Variants in APOOL observed in about 807,000 individuals in gnomAD.
APOOL encodes MICOS complex subunit MIC27.
In APOOL, 12 loss-of-function variants were observed where a neutral mutation model predicts 23.1. The ratio of observed to expected loss-of-function variants is 0.52; its 90% CI spans 0.33 to 0.84. The LOEUF (loss-of-function observed/expected upper bound fraction) is 0.84. Ranked by LOEUF, APOOL falls within the 40% of genes least tolerant of loss-of-function variation. The probability of loss-of-function intolerance (pLI) is 0.02; values close to 1 mark genes in which losing one functional copy is unlikely to be tolerated. For missense variants in APOOL, 212 were observed against 199.6 expected (o/e 1.06, Z -0.37); for synonymous variants, 77 against 69.9 (o/e 1.10, Z -0.51).
intron 1 of APOOL, among the ~76,000 whole-genome samples, chrX:85,004,392 G>T (rs1315057850): frequency 1.8e-5 from 2 of 112,043 alleles, no homozygotes; most frequent in African/African-American, 6.5e-5. Flanking sequence ...TCAGCAGTGC[G>T]CTGGTTTACA....
At chrX:85,022,897 TCACAGGGC>T (rs1194617339) in intron 1 of APOOL, among the ~76,000 whole-genome samples, 2 of 111,683 alleles carry the variant, frequency 1.8e-5, no homozygotes, top group Admixed American at 1.9e-4. Flanking sequence ...GATGTTTGGG[TCACAGGGC>T]CAGATCCCCC....
rs1396733257 is a variant in APOOL, at chrX:85,088,078, ATATATGTAT to A, written c.*401_*409del. On this transcript the variant is annotated 3_prime_UTR_variant, in exon 9 of 9. Transcript: ENST00000373173. Reference sequence around the variant, plus strand: ...TACATATATGTATAAATACATATACATATATGTATAAATACATATACATATTTATACATA... The same window carrying A: ...TACATATATGTATAAATACATATACAAAATACATATACATATTTATACATA... 3 of 20,865 alleles carry A rather than the reference ATATATGTAT, an allele frequency of 1.4e-4. No individual in the cohort carries two copies. Among genetic ancestry groups the A allele is most frequent in the African/African-American group, 4.7e-4 (3 of 6,426 alleles). 1.7% of individuals were successfully genotyped at this position (20,865 alleles called of 1,213,427 possible).
intron 1 of APOOL, among the ~76,000 whole-genome samples, chrX:85,020,393 GGAGA>G (rs900634369): frequency 5.4e-5 from 6 of 111,324 alleles, no homozygotes; most frequent in African/African-American, 2.0e-4. Context: ...AGTGTAGTGT[GGAGA>G]GAAAGAGGGC....
intron 5 of APOOL, among the ~76,000 whole-genome samples, chrX:85,056,449 TA>T (rs777337136): frequency 8.9e-6 from 1 of 112,098 alleles, no homozygotes; most frequent in African/African-American, 3.2e-5. Flanking sequence ...GCTATATGTT[TA>T]AAAAAATTTT....
chrX:85,048,548 T>C (rs1922655426), intron 2 of APOOL, among the ~76,000 whole-genome samples: 1 of 112,335 alleles, frequency 8.9e-6, no homozygotes, highest in South Asian at 3.6e-4. Flanking sequence ...AGCTATGTGC[T>C]AGGAACTATA....
Position 85,074,057 on chromosome X carries a change from G to C in APOOL, c.546G>C (p.Leu182Phe). ...SQQIFGAVKSLWTKSSKEESL... is the reference protein window; with the variant it reads ...SQQIFGAVKSFWTKSSKEESL... The stretch of plus-strand genomic sequence containing the variant: ...AAATTTTTGGAGCAGTTAAATCATT[G>C]TGGACAAAAAGCAGCAAAGAAGAGT... Residue 182 changes from leucine (L) to phenylalanine (F), a missense_variant, in exon 7 of 9, where the codon TTG becomes TTC. Transcript: ENST00000373173. 1.7e-6 allele frequency: 2 copies of C among 1,170,178 alleles called. No individual in the cohort carries two copies. The highest frequency in any genetic ancestry group is 1.1e-6 in the Non-Finnish European group (1 of 874,421).
At chrX:85,085,878 G>T (rs1319807891) in intron 8 of APOOL, among the ~76,000 whole-genome samples, 2 of 111,912 alleles carry the variant, frequency 1.8e-5, no homozygotes, top group Non-Finnish European at 3.8e-5. Context: ...TTAAAGAAGA[G>T]CCTGGGTTGT....
intron 8 of APOOL, among the ~76,000 whole-genome samples, chrX:85,080,765 T>A (rs918726413): frequency 8.9e-6 from 1 of 111,796 alleles, no homozygotes; most frequent in Non-Finnish European, 1.9e-5. Flanking sequence ...GCTTTATGAA[T>A]CTGGGTGCTC....
At position 85,092,350 on chromosome X, in the gene APOOL, T is replaced by TCAC. The variant is rs1344839631; in HGVS notation, c.*4672_*4673insCAC. On this transcript the variant is annotated 3_prime_UTR_variant, in exon 9 of 9. Transcript: ENST00000373173. Reference sequence around the variant, plus strand: ...CTGTTAGACTCAGGTGACAGTCAAATGTTGGAGGCTGTGTTGGGATGAGTT... The same window carrying TCAC: ...CTGTTAGACTCAGGTGACAGTCAAATCACGTTGGAGGCTGTGTTGGGATGAGTT... 1.8e-6 allele frequency: 2 copies of TCAC among 1,135,152 alleles called. No homozygotes were observed. The highest frequency in any genetic ancestry group is 3.0e-5 in the Admixed American group (1 of 33,484). The allele number at this position is 1,135,152 out of a possible 1,213,427, so 93.5% of individuals were successfully genotyped here.
At chrX:85,060,996 A>T (rs182841783) in intron 5 of APOOL, among the ~76,000 whole-genome samples, 77 of 111,708 alleles carry the variant, frequency 6.9e-4, no homozygotes, top group African/African-American at 2.5e-3. Context: ...TTGCCCATTC[A>T]GTATGATACT....
At chrX:85,009,278 C>T in intron 1 of APOOL, among the ~76,000 whole-genome samples, 1 of 111,577 alleles carries the variant, frequency 9.0e-6, no homozygotes, top group Admixed American at 9.5e-5. Flanking sequence ...ACTAGAACTT[C>T]CAGTGCTATG....
Position 85,019,317 on chromosome X carries a change from C to G in APOOL, c.15+15390C>G, listed in dbSNP as rs1049640753. Among the ~76,000 whole-genome samples the G allele has an allele frequency of 3.6e-5, 4 of 111,992 alleles. No individual in the cohort carries two copies. The East Asian group carries it at 1.1e-3, about 31-fold the overall frequency. Reference sequence around the variant, plus strand: ...TCTGCCCTCACAAATGGGATTAGTGCCCCCATAATAGAGATTGAAGGGAAT... The same window carrying G: ...TCTGCCCTCACAAATGGGATTAGTGGCCCCATAATAGAGATTGAAGGGAAT... On this transcript the variant is annotated intron_variant, in intron 1 of 8. Transcript: ENST00000373173.
intron 2 of APOOL, among the ~76,000 whole-genome samples, chrX:85,050,126 A>G (rs1279475261): frequency 9.2e-5 from 4 of 43,262 alleles, no homozygotes; most frequent in Non-Finnish European, 1.2e-4. Flanking sequence ...TAGTCCAGAA[A>G]GATAAAACAC....
chrX:85,058,986 C>T (rs910738835), intron 5 of APOOL, among the ~76,000 whole-genome samples: 18 of 107,713 alleles, frequency 1.7e-4, no homozygotes, highest in African/African-American at 5.7e-4. Context: ...ATTAACTCGT[C>T]ATTTAGCATT....
chrX:85,023,935 C>T (rs185441184), intron 1 of APOOL, among the ~76,000 whole-genome samples: 58 of 112,266 alleles, frequency 5.2e-4, no homozygotes, highest in African/African-American at 1.8e-3. Context: ...CAATAGCACC[C>T]TTCATCCCAC....
chrX:85,008,535 T>TTGTGTGTGTGTGTGTGTGTGTGTGTG (rs57105866), intron 1 of APOOL, among the ~76,000 whole-genome samples: 13 of 86,132 alleles, frequency 1.5e-4, no homozygotes, highest in African/African-American at 5.2e-4. Flanking sequence ...TGATAACCCG[T>TTGTGTGTGTGTGTGTGTGTGTGTGTG]TGTGTGTGTG....
At chrX:85,025,919 A>T (rs990450859) in intron 1 of APOOL, among the ~76,000 whole-genome samples, 7 of 112,787 alleles carry the variant, frequency 6.2e-5, no homozygotes, top group South Asian at 3.6e-4. Flanking sequence ...TCACAGCTCC[A>T]CTAGGCAGTG....
At chrX:85,044,325 A>T (rs1451928975) in intron 1 of APOOL, among the ~76,000 whole-genome samples, 1 of 109,486 alleles carries the variant, frequency 9.1e-6, no homozygotes, top group African/African-American at 3.3e-5. Flanking sequence ...CTTGTTGCCC[A>T]GGCTGGAGTG....
In APOOL at chrX:85,009,918, C is replaced by T. The variant is rs140783166; in HGVS notation, c.15+5991C>T. Among the ~76,000 whole-genome samples, 781 of 111,640 alleles carry T rather than the reference C, an allele frequency of 7.0e-3. 11 individuals carry two copies. The highest frequency in any genetic ancestry group is 0.024 in the African/African-American group (742 of 30,712). ...TGTGGTATTTGGTTTTCTGTTCCTG[C>T]GTTTACTTGCTAAGGATAATAGCCT... is the stretch of plus-strand genomic sequence containing the variant. On this transcript the variant is annotated intron_variant, in intron 1 of 8. Coordinates refer to ENST00000373173, the MANE Select transcript of APOOL (RefSeq NM_198450.6).
Sources: gnomAD v4.1 joint callset for allele counts (sites outside exome capture counted in the v4.1 genomes callset) on GRCh38, gnomAD v4.1.1 for gene constraint, MANE v1.5 for transcripts, NCBI Gene and HGNC (gene_info 2026-07-23, HGNC 2026-07-21) for gene names.